Variants in CABIN1 observed in about 807,000 individuals in gnomAD.
The protein encoded by CABIN1 is calcineurin binding protein 1, also known as calcineurin-binding protein cabin-1.
In CABIN1, 133 loss-of-function variants were observed where a neutral mutation model predicts 227.7. That is an observed-to-expected ratio of 0.58 (90% CI 0.51 to 0.67). The LOEUF is 0.67. Among genes scored for constraint, CABIN1 ranks in the 30% least tolerant of loss-of-function variants. CABIN1 has a pLI of 0.00. For missense variants in CABIN1, 2,408 were observed against 2,852.5 expected (o/e 0.84, Z 3.55); for synonymous variants, 1,086 against 1,155.1 (o/e 0.94, Z 1.21).
In CABIN1 at chr22:24,177,431, G is replaced by A; in HGVS notation, c.6206-73G>A. The A allele has an allele frequency of 7.7e-7, 1 of 1,305,914 alleles. No individual in the cohort carries two copies. The highest frequency in any genetic ancestry group is 1.0e-6 in the Non-Finnish European group (1 of 956,318). The allele number at this position is 1,305,914 out of a possible 1,614,324, so 80.9% of individuals were successfully genotyped here. A position where few individuals can be genotyped will look rare whatever the true frequency, so the allele number is the denominator to read the frequency against. Reference sequence around the variant, plus strand: ...AAAGGCCCAGGACCTGGGGGGAGCGGGTGGGGGCGAGATAAAGTGCTCACT... The same window carrying A: ...AAAGGCCCAGGACCTGGGGGGAGCGAGTGGGGGCGAGATAAAGTGCTCACT... On this transcript the variant is annotated intron_variant, in intron 35 of 36. Coordinates refer to ENST00000263119, the MANE Select transcript of CABIN1 (RefSeq NM_012295.4). The surrounding 1 kb of genome is among the most constrained non-coding windows in gnomAD (Gnocchi z 4.4).
rs1346454752 is a variant in CABIN1, at chr22:24,168,595, G to A, written c.5757+74G>A. 3.4e-6 allele frequency: 4 copies of A among 1,184,298 alleles called. No individual in the cohort carries two copies. In the South Asian group the frequency reaches 3.9e-5, roughly 12 times the overall value. The allele number at this position is 1,184,298 out of a possible 1,614,324, so 73.4% of individuals were successfully genotyped here. A position where few individuals can be genotyped will look rare whatever the true frequency, so the allele number is the denominator to read the frequency against. On this transcript the variant is annotated intron_variant, in intron 33 of 36. Coordinates refer to ENST00000263119, the MANE Select transcript of CABIN1 (RefSeq NM_012295.4). ...ATATCAAGGCCCTAGGATGCAGGCT[G>A]AGAAGCAGATCCACTCTTGGGACTG...
At chr22:24,072,237 T>G in intron 17 of CABIN1, 117 bp from the exon 18 acceptor site, 1 of 984,366 alleles carries the variant, frequency 1.0e-6, no homozygotes, top group Non-Finnish European at 1.6e-6. Flanking sequence ...ATCTGAGCAG[T>G]GGGGGTGGGC....
chr22:24,166,694 C>T lies in CABIN1; in HGVS notation c.5063C>T (p.Thr1688Ile). 1.9e-6 allele frequency: 3 copies of T among 1,612,792 alleles called. No homozygotes were observed. Among genetic ancestry groups the T allele is most frequent in the Non-Finnish European group, 2.5e-6 (3 of 1,180,004 alleles). ...GGCCTCCCCGGAGCCAGGATGACCACCGATGTCTCACACAAGGCCAGTCCT... is the reference window on the plus strand; with the variant it reads ...GGCCTCCCCGGAGCCAGGATGACCATCGATGTCTCACACAAGGCCAGTCCT... Reference protein sequence around the residue: ...VCGLPGARMTTDVSHKASPED... With the variant: ...VCGLPGARMTIDVSHKASPED... Residue 1688 changes from threonine to isoleucine, a missense_variant, in exon 32 of 37, where the codon ACC becomes ATC. Physicochemically the swap from Thr to Ile is moderately conservative, Grantham distance 89. This residue lies in a region of CABIN1 where 714 missense variants were observed against 773.8 expected (regional missense o/e 0.92). Coordinates refer to ENST00000263119, the MANE Select transcript of CABIN1 (RefSeq NM_012295.4).
Position 24,166,764 on chromosome 22 carries a change from G to A in CABIN1, c.5133G>A (p.Leu1711=), listed in dbSNP as rs777580951. ...TCCCCCAGCCGAAGAAGCCCCCTCT[G>A]GCTGATGGCTCAGGGCCAGGGCCCG... ...EGLPQPKKPP[L]ADGSGPGPEP... is the part of the protein sequence containing the mutation. Residue 1711 remains leucine (L), a synonymous_variant, in exon 32 of 37, where the codon CTG becomes CTA. Transcript: ENST00000263119. 2 of 1,612,938 alleles carry A rather than the reference G, an allele frequency of 1.2e-6. No individual in the cohort carries two copies. The highest frequency in any genetic ancestry group is 1.7e-6 in the Non-Finnish European group (2 of 1,180,002).
intron 29 of CABIN1, among the ~76,000 whole-genome samples, chr22:24,158,542 A>G (rs555901271): frequency 6.6e-5 from 10 of 152,242 alleles, no homozygotes; most frequent in Non-Finnish European, 1.3e-4. Flanking sequence ...AAAAGTCAGG[A>G]TTAAAATTAC....
At chr22:24,146,499 G>A (rs574903921) in intron 29 of CABIN1, among the ~76,000 whole-genome samples, 1 of 152,252 alleles carries the variant, frequency 6.6e-6, no homozygotes, top group East Asian at 1.9e-4. Context: ...CAGGTGGAGA[G>A]GGGGTGCTTC....
intron 6 of CABIN1, among the ~76,000 whole-genome samples, chr22:24,048,287 A>G (rs1298664188): frequency 6.6e-6 from 1 of 152,156 alleles, no homozygotes; most frequent in South Asian, 2.1e-4. Context: ...TCTTCCCAGT[A>G]CTGTATCTTG....
chr22:24,060,790 C>G (rs1373224284), intron 12 of CABIN1, among the ~76,000 whole-genome samples: 1 of 152,094 alleles, frequency 6.6e-6, no homozygotes, highest in East Asian at 1.9e-4. Flanking sequence ...GTCCCAGCTA[C>G]TCAGGAGGCT....
At chr22:24,141,890 C>G (rs897503909) in intron 29 of CABIN1, among the ~76,000 whole-genome samples, 1 of 152,158 alleles carries the variant, frequency 6.6e-6, no homozygotes, top group African/African-American at 2.4e-5. Context: ...CTGTGCTGTC[C>G]CAGCCCTGGA....
chr22:24,075,756 ATTTTTT>A (rs927063593), intron 18 of CABIN1, among the ~76,000 whole-genome samples: 1 of 148,624 alleles, frequency 6.7e-6, no homozygotes, highest in Non-Finnish European at 1.5e-5. Context: ...AAAAAAAAAA[ATTTTTT>A]TTTTTAAGTT....
chr22:24,094,891 C>A (rs1015222261), intron 24 of CABIN1, among the ~76,000 whole-genome samples: 1 of 151,004 alleles, frequency 6.6e-6, no homozygotes, highest in Non-Finnish European at 1.5e-5. Context: ...TCTGTCCTGA[C>A]AAAAATTCTC....
Position 24,062,072 on chromosome 22 carries a change from C to G in CABIN1, c.1696+47C>G, listed in dbSNP as rs957406931. 8 of 1,478,746 alleles carry G rather than the reference C, an allele frequency of 5.4e-6. No homozygotes were observed. In the Admixed American group the frequency reaches 1.3e-4, roughly 25 times the overall value. The allele number at this position is 1,478,746 out of a possible 1,614,324, so 91.6% of individuals were successfully genotyped here. ...GTGGCCAGGCTAATATCTGAACCCC[C>G]AGCAGCTGGGAGAAAGCTGAGGCGG... On this transcript the variant is annotated intron_variant, in intron 13 of 36. Coordinates refer to ENST00000263119, the MANE Select transcript of CABIN1 (RefSeq NM_012295.4).
intron 26 of CABIN1, among the ~76,000 whole-genome samples, chr22:24,105,902 C>T (rs561897352): frequency 1.1e-4 from 16 of 152,322 alleles, no homozygotes; most frequent in African/African-American, 2.9e-4. Context: ...CAGACCCAGC[C>T]GGTCCTCTGA....
intron 29 of CABIN1, among the ~76,000 whole-genome samples, chr22:24,164,108 C>T (rs2046311475): frequency 6.6e-6 from 1 of 152,222 alleles, no homozygotes. Flanking sequence ...GATCAGGCCC[C>T]ACCTGAGTGC....
intron 26 of CABIN1, among the ~76,000 whole-genome samples, chr22:24,101,000 C>G (rs1020959662): frequency 6.6e-6 from 1 of 152,142 alleles, no homozygotes; most frequent in Non-Finnish European, 1.5e-5. Flanking sequence ...CAGTTTGCAC[C>G]CCACCTCTCT....
intron 26 of CABIN1, among the ~76,000 whole-genome samples, chr22:24,112,123 T>C (rs1359601589): frequency 1.3e-5 from 2 of 152,274 alleles, no homozygotes; most frequent in African/African-American, 4.8e-5. Context: ...TGCTGATTGA[T>C]TTGTCTCTTG....
intron 29 of CABIN1, among the ~76,000 whole-genome samples, chr22:24,160,938 G>T (rs1236266273): frequency 6.6e-6 from 1 of 152,212 alleles, no homozygotes; most frequent in African/African-American, 2.4e-5. Flanking sequence ...GTCTTCGTGG[G>T]TTCCCAAATC....
At chr22:24,120,160 C>T (rs2043323019) in intron 28 of CABIN1, among the ~76,000 whole-genome samples, 1 of 152,214 alleles carries the variant, frequency 6.6e-6, no homozygotes, top group African/African-American at 2.4e-5. Flanking sequence ...TCTCCAGCTG[C>T]ATATTGCAGG....
intron 26 of CABIN1, chr22:24,102,386 G>A (rs2042254849): frequency 1.3e-5 from 2 of 152,226 alleles, no homozygotes; most frequent in South Asian, 2.1e-4. Flanking sequence ...CTCAGAGCTC[G>A]GAGGCCTTGT....
Sources: gnomAD v4.1 joint callset for allele counts (sites outside exome capture counted in the v4.1 genomes callset) on GRCh38, gnomAD v4.1.1 for gene constraint, gnomAD v4.1.1 regional missense constraint, Gnocchi (gnomAD v3.1) non-coding constraint, MANE v1.5 for transcripts, NCBI Gene and HGNC (gene_info 2026-07-23, HGNC 2026-07-21) for gene names.